Variants in LGSN observed in about 807,000 individuals in gnomAD.
LGSN encodes the protein lengsin.
Under a neutral mutation model 19.5 loss-of-function variants are expected in LGSN, and 21 were observed. The observed-to-expected ratio is 1.07, with a 90% CI of 0.76 to 1.55. LGSN has a LOEUF of 1.55. Ranked by LOEUF, LGSN falls within the 40% of genes most tolerant of loss-of-function variation. The pLI, the probability that LGSN is intolerant of heterozygous loss-of-function variation, is 0.00. For synonymous variants in LGSN, 257 were observed against 215.6 expected, an observed-to-expected ratio of 1.19 and a Z score of -1.68; for missense variants, 673 against 608.5, an observed-to-expected ratio of 1.11 and a Z score of -1.12.
At chr6:63,567,274 A>C in the LGSN span, among the ~76,000 whole-genome samples, 1 of 152,238 alleles carries the variant, frequency 6.6e-6, no homozygotes, top group Non-Finnish European at 1.5e-5. Context: ...AGGAATCACC[A>C]TCTACAGCAA....
chr6:63,290,869 T>C (rs1767738381), intron 2 of LGSN, among the ~76,000 whole-genome samples: 1 of 152,222 alleles, frequency 6.6e-6, no homozygotes. Context: ...AGTTTTCTCA[T>C]GACCAGAACC....
chr6:63,542,426 T>TAA, the LGSN span, among the ~76,000 whole-genome samples: 1 of 144,320 alleles, frequency 6.9e-6, no homozygotes, highest in Non-Finnish European at 1.5e-5. Context: ...CCTATGGAAA[T>TAA]AAAAAAAAAA....
At chr6:63,461,694 AG>A in the LGSN span, among the ~76,000 whole-genome samples, 1 of 152,230 alleles carries the variant, frequency 6.6e-6, no homozygotes, top group Admixed American at 6.5e-5. Context: ...CAGTTGGCAA[AG>A]GACAGATCCC....
the LGSN span, among the ~76,000 whole-genome samples, chr6:63,429,481 A>G: frequency 6.6e-6 from 1 of 152,286 alleles, no homozygotes; most frequent in African/African-American, 2.4e-5. Flanking sequence ...CACGCCTGTA[A>G]TCCCAGCACT....
chr6:63,509,620 C>T, the LGSN span, among the ~76,000 whole-genome samples: 4 of 152,050 alleles, frequency 2.6e-5, no homozygotes, highest in African/African-American at 9.7e-5. Flanking sequence ...ATGAAAATTT[C>T]GTTATAAAGG....
intron 1 of LGSN, among the ~76,000 whole-genome samples, chr6:63,309,113 C>A (rs1345072892): frequency 6.6e-6 from 1 of 152,102 alleles, no homozygotes; most frequent in Non-Finnish European, 1.5e-5. Context: ...CGTGGCAATT[C>A]TTTTCAAGTG....
At chr6:63,350,460 C>T in the LGSN span, among the ~76,000 whole-genome samples, 72 of 152,248 alleles carry the variant, frequency 4.7e-4, no homozygotes, top group African/African-American at 1.6e-3. Context: ...TCAAATTAAC[C>T]TGGTTGTGAA....
At chr6:63,423,872 T>G in the LGSN span, among the ~76,000 whole-genome samples, 1 of 151,992 alleles carries the variant, frequency 6.6e-6, no homozygotes, top group Non-Finnish European at 1.5e-5. Flanking sequence ...ACCCCATCTC[T>G]ACTAAAAATA....
chr6:63,549,955 A>T, the LGSN span, among the ~76,000 whole-genome samples: 1 of 152,186 alleles, frequency 6.6e-6, no homozygotes, highest in Non-Finnish European at 1.5e-5. Flanking sequence ...GAAGGAGGAT[A>T]TTGAATGTTC....
the LGSN span, among the ~76,000 whole-genome samples, chr6:63,536,778 A>G: frequency 1.3e-5 from 2 of 152,270 alleles, no homozygotes; most frequent in African/African-American, 4.8e-5. Context: ...AAAAGGTTTT[A>G]TTATATTATT....
At chr6:63,439,260 C>T in the LGSN span, among the ~76,000 whole-genome samples, 2 of 151,938 alleles carry the variant, frequency 1.3e-5, no homozygotes, top group Admixed American at 6.6e-5. Flanking sequence ...AGCTAAATGA[C>T]GAGTTAATGG....
the LGSN span, chr6:63,549,055 C>T: frequency 1.4e-6 from 1 of 720,806 alleles, no homozygotes; most frequent in Non-Finnish European, 2.5e-6. Context: ...ACCGGCTGAG[C>T]TTTCTTATTC....
At chr6:63,424,816 G>T in the LGSN span, among the ~76,000 whole-genome samples, 1 of 152,080 alleles carries the variant, frequency 6.6e-6, no homozygotes, top group Admixed American at 6.6e-5. Flanking sequence ...GGAGGCTGAG[G>T]TGGGAGGATC....
the LGSN span, among the ~76,000 whole-genome samples, chr6:63,553,823 C>T: frequency 5.3e-5 from 8 of 152,128 alleles, no homozygotes; most frequent in African/African-American, 9.7e-5. Flanking sequence ...AACCATTGCC[C>T]AGCCTGGGAT....
At chr6:63,405,711 A>G in the LGSN span, among the ~76,000 whole-genome samples, 1 of 152,228 alleles carries the variant, frequency 6.6e-6, no homozygotes, top group Non-Finnish European at 1.5e-5. Context: ...TAAATGCTCC[A>G]ATTAAAAGAC....
chr6:63,549,723 AT>A, the LGSN span, among the ~76,000 whole-genome samples: 4 of 152,076 alleles, frequency 2.6e-5, no homozygotes, highest in Non-Finnish European at 2.9e-5. Flanking sequence ...TTAAACACAG[AT>A]TGTTCTCACT....
chr6:63,293,736 G>A, intron 2 of LGSN: 1 of 456,626 alleles, frequency 2.2e-6, no homozygotes, highest in South Asian at 1.5e-5. Context: ...TTTTATCACT[G>A]TTGTCTCATC....
chr6:63,508,034 T>G, the LGSN span, among the ~76,000 whole-genome samples: 1 of 140,950 alleles, frequency 7.1e-6, no homozygotes, highest in East Asian at 2.0e-4. Context: ...TAATTTTCCT[T>G]CTTTGGTTAT....
At chr6:63,423,796 G>A in the LGSN span, among the ~76,000 whole-genome samples, 7 of 152,252 alleles carry the variant, frequency 4.6e-5, no homozygotes, top group East Asian at 1.9e-4. Context: ...CCAACACTTT[G>A]GGGGGCCGAG....
Sources: allele counts gnomAD v4.1 joint callset (sites outside exome capture counted in the v4.1 genomes callset), GRCh38; gene constraint gnomAD v4.1.1; transcripts MANE v1.5; gene names NCBI Gene and HGNC (gene_info 2026-07-23, HGNC 2026-07-21).